Variants in FRMPD4 observed in about 807,000 individuals in gnomAD.
FRMPD4 encodes FERM and PDZ domain containing 4.
FRMPD4 carries 22 observed loss-of-function variants against 94.1 expected under a neutral mutation model. The ratio of observed to expected loss-of-function variants is 0.23; its 90% CI spans 0.17 to 0.33. The LOEUF is 0.33. Ranked by LOEUF, FRMPD4 falls within the 10% of genes least tolerant of loss-of-function variation. The pLI, the probability that FRMPD4 is intolerant of heterozygous loss-of-function variation, is 1.00. For synonymous variants in FRMPD4, 631 were observed against 548.6 expected, an observed-to-expected ratio of 1.15 and a Z score of -2.10; for missense variants, 1,111 against 1,339.9, an observed-to-expected ratio of 0.83 and a Z score of 2.67.
intron 1 of FRMPD4, among the ~76,000 whole-genome samples, chrX:12,165,215 T>G (rs1369081899): frequency 1.4e-3 from 140 of 103,488 alleles, no homozygotes; most frequent in African/African-American, 3.5e-3. Context: ...CCATCTTGAA[T>G]TAATTTTTGT....
chrX:12,130,100 G>A (rs1001481827), intron 3 of FRMPD4, among the ~76,000 whole-genome samples: 13 of 61,771 alleles, frequency 2.1e-4, no homozygotes, highest in African/African-American at 8.7e-4. Flanking sequence ...GGGAGCCAGC[G>A]GAAGAGAGAG....
At chrX:12,446,132 T>C (rs1221051214) in intron 1 of FRMPD4, among the ~76,000 whole-genome samples, 1 of 112,404 alleles carries the variant, frequency 8.9e-6, no homozygotes, top group Non-Finnish European at 1.9e-5. Flanking sequence ...AGAGGCTATC[T>C]AGACCACTGA....
At chrX:11,909,924 G>C (rs902887342) in intron 3 of FRMPD4, among the ~76,000 whole-genome samples, 5 of 110,403 alleles carry the variant, frequency 4.5e-5, no homozygotes, top group African/African-American at 1.3e-4. Flanking sequence ...GAAATGTATT[G>C]AGCCTTGTTT....
intron 5 of FRMPD4, among the ~76,000 whole-genome samples, chrX:12,678,215 C>G (rs1028713350): frequency 1.8e-5 from 2 of 112,535 alleles, no homozygotes; most frequent in Middle Eastern, 4.2e-3. Context: ...CCTTAACCAA[C>G]CCCCATCACT....
chrX:12,053,431 A>AAAGAAAGG (rs1569149875), intron 3 of FRMPD4, among the ~76,000 whole-genome samples: 2 of 94,640 alleles, frequency 2.1e-5, no homozygotes, highest in South Asian at 4.8e-4. Context: ...AGAAAGAAAG[A>AAAGAAAGG]GAAAGAAAGA....
At chrX:11,895,007 TATC>T (rs2053894802) in intron 3 of FRMPD4, among the ~76,000 whole-genome samples, 1 of 112,325 alleles carries the variant, frequency 8.9e-6, no homozygotes, top group Admixed American at 9.4e-5. Flanking sequence ...TAATGAGGGT[TATC>T]AGTAAAAGGT....
intron 3 of FRMPD4, among the ~76,000 whole-genome samples, chrX:12,083,010 C>T (rs1056186454): frequency 8.9e-6 from 1 of 112,115 alleles, no homozygotes; most frequent in Non-Finnish European, 1.9e-5. Flanking sequence ...AATGAAAAAC[C>T]CATTTTTTGA....
chrX:12,004,831 C>CAGGA (rs1417369787), intron 3 of FRMPD4, among the ~76,000 whole-genome samples: 1 of 110,470 alleles, frequency 9.1e-6, no homozygotes, highest in Non-Finnish European at 1.9e-5. Flanking sequence ...ATCCTTGGAG[C>CAGGA]AGGAACCACA....
At chrX:12,360,267 C>T (rs2055964130) in intron 1 of FRMPD4, among the ~76,000 whole-genome samples, 1 of 111,674 alleles carries the variant, frequency 9.0e-6, no homozygotes, top group Non-Finnish European at 1.9e-5. Context: ...TTGATTCTAT[C>T]CTGAATCTGG....
intron 3 of FRMPD4, among the ~76,000 whole-genome samples, chrX:12,113,563 GCCTGCCTGCCTT>G (rs911730289): frequency 9.0e-6 from 1 of 111,418 alleles, no homozygotes. Context: ...TGATTCACCT[GCCTGCCTGCCTT>G]CCTGCCTGCC....
intron 1 of FRMPD4, among the ~76,000 whole-genome samples, chrX:12,229,095 A>G (rs1025753773): frequency 8.9e-6 from 1 of 112,497 alleles, no homozygotes; most frequent in Non-Finnish European, 1.9e-5. Flanking sequence ...GAAGCGTGAT[A>G]AGACCAAATT....
intron 1 of FRMPD4, among the ~76,000 whole-genome samples, chrX:12,424,166 G>T (rs1044472988): frequency 8.9e-6 from 1 of 112,149 alleles, no homozygotes; most frequent in African/African-American, 3.2e-5. Flanking sequence ...CGGTCATAGA[G>T]TAGTTCTACT....
intron 2 of FRMPD4, among the ~76,000 whole-genome samples, chrX:12,511,677 A>G (rs763786408): frequency 8.9e-6 from 1 of 111,936 alleles, no homozygotes; most frequent in African/African-American, 3.2e-5. Flanking sequence ...AAACCATTGT[A>G]TGCATGATGG....
intron 3 of FRMPD4, among the ~76,000 whole-genome samples, chrX:12,126,714 C>T (rs857359): frequency 0.11 from 11,967 of 111,270 alleles, 584 homozygotes; most frequent in African/African-American, 0.18. Context: ...AAGTCTAATT[C>T]GGTTTCTCCC....
chrX:12,086,085 G>A (rs369880633), intron 3 of FRMPD4, among the ~76,000 whole-genome samples: 2 of 49,314 alleles, frequency 4.1e-5, no homozygotes, highest in South Asian at 7.2e-4. Flanking sequence ...GTGCGTGTGT[G>A]TGTATGTGTG....
Position 12,710,502 on chromosome X carries a change from T to C in FRMPD4, c.1574T>C (p.Met525Thr), listed in dbSNP as rs1324234894. 2 of 1,207,468 alleles carry C rather than the reference T, an allele frequency of 1.7e-6. No homozygotes were observed. Among genetic ancestry groups the C allele is most frequent in the Non-Finnish European group, 2.2e-6 (2 of 891,916 alleles). ...GATTCCAGGAGGTCGATATTTAACA[T>C]GGCCAACAAGAAAAACACAGCGACC... ...LVDSRRSIFN[M>T]ANKKNTATQE... Residue 525 changes from methionine (M) to threonine (T), a missense_variant, in exon 14 of 17, where the codon ATG becomes ACG. Transcript: ENST00000675598.
At position 12,716,299 on chromosome X, in the gene FRMPD4, G is replaced by A. The variant is rs748144907; in HGVS notation, c.1840G>A (p.Gly614Arg). 7.9e-5 allele frequency: 96 copies of A among 1,208,600 alleles called. No homozygotes were observed. The Admixed American group carries it at 1.4e-3, about 18-fold the overall frequency. ...DGLNQQLSQP[G>R]EAPCEADYRS... ...ACTTAACCAGCAGCTGAGCCAGCCCGGGGAGGCCCCCTGTGAGGCAGACTA... is the reference window on the plus strand; with the variant it reads ...ACTTAACCAGCAGCTGAGCCAGCCCAGGGAGGCCCCCTGTGAGGCAGACTA... The change falls in exon 15 of 17, where the codon GGG becomes AGG. Residue 614 changes from glycine to arginine, a missense_variant. Physicochemically the swap from Gly to Arg is moderately radical, Grantham distance 125 (BLOSUM62 -2). Around this residue, in one of 8 missense-constraint regions of FRMPD4, gnomAD observed 192 missense variants for 192.5 expected, o/e 1.00. Transcript: ENST00000675598.
chrX:12,656,435 C>T (rs1431678972), intron 4 of FRMPD4, among the ~76,000 whole-genome samples: 1 of 112,063 alleles, frequency 8.9e-6, no homozygotes, highest in Non-Finnish European at 1.9e-5. Flanking sequence ...TATTATTTAA[C>T]AGCCCCAAAT....
rs764279201 is a variant in FRMPD4, at chrX:12,717,079, G to A, written c.2620G>A (p.Gly874Arg). Reference sequence around the variant, plus strand: ...GGATAATGCCGTCGTCTCCACGCTGGGAGCTCTAGAGGCTCTATCCGTGTC... The same window carrying A: ...GGATAATGCCGTCGTCTCCACGCTGAGAGCTCTAGAGGCTCTATCCGTGTC... Reference protein sequence around the residue: ...GLDNAVVSTLGALEALSVSEE... With the variant: ...GLDNAVVSTLRALEALSVSEE... The change falls in exon 15 of 17, where the codon GGA becomes AGA. Residue 874 changes from glycine (G) to arginine (R), a missense_variant. Gly to Arg is a moderately radical substitution (Grantham distance 125). This residue lies in a region of FRMPD4 where 74 missense variants were observed against 93.9 expected (regional missense o/e 0.79). Coordinates refer to ENST00000675598, the MANE Select transcript of FRMPD4 (RefSeq NM_001368397.1). 2.5e-6 allele frequency: 3 copies of A among 1,204,022 alleles called. No individual in the cohort carries two copies. The African/African-American group carries it at 5.2e-5, about 21-fold the overall frequency.
Sources: allele counts gnomAD v4.1 joint callset (sites outside exome capture counted in the v4.1 genomes callset), GRCh38; gene constraint gnomAD v4.1.1; regional missense constraint gnomAD v4.1.1; transcripts MANE v1.5; gene names NCBI Gene and HGNC (gene_info 2026-07-23, HGNC 2026-07-21).